FMN2: variants seen among roughly 807,000 people sequenced by gnomAD.
FMN2 encodes the protein formin-2.
FMN2 carries 51 observed loss-of-function variants against 142.3 expected under a neutral mutation model. That is an observed-to-expected ratio of 0.36 (90% CI 0.29 to 0.45). FMN2 has a LOEUF of 0.45. Ranked by LOEUF, FMN2 falls within the 20% of genes least tolerant of loss-of-function variation. The pLI, the probability that FMN2 is intolerant of heterozygous loss-of-function variation, is 1.00. For synonymous variants in FMN2, 882 were observed against 869.8 expected, an observed-to-expected ratio of 1.01 and a Z score of -0.25; for missense variants, 1,936 against 2,122.8, an observed-to-expected ratio of 0.91 and a Z score of 1.73.
At chr1:240,228,037 C>T (rs944274092) in intron 6 of FMN2, among the ~76,000 whole-genome samples, 1 of 152,000 alleles carries the variant, frequency 6.6e-6, no homozygotes, top group African/African-American at 2.4e-5. Context: ...AGCGCAGTGA[C>T]TCACACCTGT....
intron 1 of FMN2, among the ~76,000 whole-genome samples, chr1:240,108,405 G>A (rs766581258): frequency 5.3e-5 from 8 of 152,066 alleles, no homozygotes; most frequent in Non-Finnish European, 7.3e-5. Context: ...TATTTGGCAA[G>A]TATAAGCCGT....
At chr1:240,427,195 T>G (rs530297169) in intron 15 of FMN2, among the ~76,000 whole-genome samples, 3,030 of 123,120 alleles carry the variant, frequency 0.025, 138 homozygotes, top group African/African-American at 0.15. Context: ...ATATATATGG[T>G]TTTTTTTTTG....
chr1:240,287,449 A>C (rs1345851571), intron 7 of FMN2, among the ~76,000 whole-genome samples: 1 of 152,168 alleles, frequency 6.6e-6, no homozygotes, highest in South Asian at 2.1e-4. Flanking sequence ...ATGAACCGTA[A>C]ATATGGGCTG....
At position 240,093,607 on chromosome 1, in the gene FMN2, G is replaced by A; in HGVS notation, c.1498G>A (p.Ala500Thr). 7.0e-7 allele frequency: 1 copy of A among 1,430,826 alleles called. No homozygotes were observed. The highest frequency in any genetic ancestry group is 9.1e-7 in the Non-Finnish European group (1 of 1,102,648). The allele number at this position is 1,430,826 out of a possible 1,614,324, so 88.6% of individuals were successfully genotyped here. Residue 500 changes from alanine to threonine, a missense_variant, in exon 1 of 18, where the codon GCG becomes ACG. Physicochemically the swap from Ala to Thr is moderately conservative, Grantham distance 58. This residue lies in a region of FMN2 where 751 missense variants were observed against 791.8 expected (regional missense o/e 0.95). Transcript: ENST00000319653. ...GARTPRVGGS[A>T]HLLERGVASD... is the part of the protein sequence containing the mutation. ...CCGCACGCCCCGGGTGGGAGGCTCC[G>A]CGCACCTGCTGGAGCGCGGGGTGGC...
At chr1:240,278,611 T>G (rs562623148) in intron 7 of FMN2, among the ~76,000 whole-genome samples, 1 of 152,266 alleles carries the variant, frequency 6.6e-6, no homozygotes, top group African/African-American at 2.4e-5. Flanking sequence ...GGAAATTGCT[T>G]CTTCTTTAAC....
rs752989972 is a variant in FMN2, at chr1:240,093,657, C to G, written c.1548C>G (p.Ser516=). 7.2e-7 allele frequency: 1 copy of G among 1,382,072 alleles called. No individual in the cohort carries two copies. The highest frequency in any genetic ancestry group is 3.3e-5 in the Admixed American group (1 of 29,924). 85.6% of individuals were successfully genotyped at this position (1,382,072 alleles called of 1,614,324 possible). ...CGAGTGACAGCGGCGGTGGGGTGTC[C>G]CCAGCACTGGCCGCCAAGGCGTCTG... ...GVASDSGGGV[S]PALAAKASGA... The change falls in exon 1 of 18, where the codon TCC becomes TCG. Residue 516 remains serine, a synonymous_variant. Transcript: ENST00000319653.
At chr1:240,304,655 A>G (rs532639970) in intron 8 of FMN2, among the ~76,000 whole-genome samples, 34 of 152,364 alleles carry the variant, frequency 2.2e-4, no homozygotes, top group Admixed American at 2.2e-3. Flanking sequence ...ACAGAGGCTC[A>G]ACAATGGCCT....
At chr1:240,334,281 G>A (rs1671488191) in intron 13 of FMN2, 52 bp downstream of exon 13, 1 of 1,503,688 alleles carries the variant, frequency 6.7e-7, no homozygotes, top group Non-Finnish European at 8.9e-7. Flanking sequence ...TTTAATGAGA[G>A]AAGGCAGACT....
chr1:240,159,344 T>C (rs1021220923), intron 2 of FMN2, among the ~76,000 whole-genome samples: 2 of 152,148 alleles, frequency 1.3e-5, no homozygotes, highest in Non-Finnish European at 2.9e-5. Context: ...TTGAGAGATA[T>C]TCTCCATTTT....
intron 1 of FMN2, among the ~76,000 whole-genome samples, chr1:240,094,119 C>T (rs1661116619): frequency 6.6e-6 from 1 of 152,160 alleles, no homozygotes; most frequent in Non-Finnish European, 1.5e-5. Flanking sequence ...AAAAATTGTT[C>T]ATGGTTCTTT....
chr1:240,266,180 G>T (rs139357752), intron 7 of FMN2, among the ~76,000 whole-genome samples: 1 of 83,088 alleles, frequency 1.2e-5, no homozygotes, highest in Non-Finnish European at 2.5e-5. Flanking sequence ...TTCAATCTTT[G>T]TCCCTTTCTC....
rs1170723650 is a variant in FMN2 at position 240,334,132 on chromosome 1, C to T, written c.4668C>T (p.Leu1556=). 2 of 1,603,250 alleles carry T rather than the reference C, an allele frequency of 1.2e-6. No individual in the cohort carries two copies. The highest frequency in any genetic ancestry group is 1.1e-5 in the South Asian group (1 of 87,868). ...FDEDAGKEQC[L]FPLPEPQDLF... is the part of the protein sequence containing the mutation. ...AGGATGCTGGAAAAGAACAGTGCCT[C>T]TTTCCACTGCCAGAACCCCAGGACC... Residue 1556 remains leucine, a synonymous_variant, in exon 13 of 18, where the codon CTC becomes CTT. Transcript: ENST00000319653.
chr1:240,174,836 A>G (rs2103317718), intron 2 of FMN2, among the ~76,000 whole-genome samples: 1 of 152,376 alleles, frequency 6.6e-6, no homozygotes, highest in East Asian at 1.9e-4. Context: ...GTTGCAAAAT[A>G]CACAGAACAT....
intron 2 of FMN2, chr1:240,143,296 A>C: frequency 6.5e-7 from 1 of 1,531,816 alleles, no homozygotes; most frequent in Non-Finnish European, 9.0e-7. Context: ...TGAAACAGAG[A>C]TGAGGGCCAG....
chr1:240,358,574 A>T (rs1672353508), intron 14 of FMN2, among the ~76,000 whole-genome samples: 1 of 151,984 alleles, frequency 6.6e-6, no homozygotes, highest in Admixed American at 6.6e-5. Flanking sequence ...GGAAACTTAC[A>T]ATCATGGCAG....
intron 7 of FMN2, 50 bp downstream of exon 7, chr1:240,258,082 A>G (rs773682134): frequency 2.1e-6 from 3 of 1,432,630 alleles, no homozygotes; most frequent in South Asian, 1.2e-5. Flanking sequence ...ATTTGGGCTG[A>G]GGGATATGAT....
chr1:240,204,207 T>A (rs60583476), intron 4 of FMN2, among the ~76,000 whole-genome samples: 1 of 152,022 alleles, frequency 6.6e-6, no homozygotes, highest in Non-Finnish European at 1.5e-5. Flanking sequence ...ACTGGTTGTC[T>A]TCAGCTGTCA....
At chr1:240,423,392 A>G (rs901587188) in intron 15 of FMN2, among the ~76,000 whole-genome samples, 2 of 152,216 alleles carry the variant, frequency 1.3e-5, no homozygotes, top group Non-Finnish European at 1.5e-5. Flanking sequence ...ACAAAATCCA[A>G]CACTGCACAA....
At chr1:240,286,625 T>G (rs1669599883) in intron 7 of FMN2, among the ~76,000 whole-genome samples, 1 of 152,176 alleles carries the variant, frequency 6.6e-6, no homozygotes, top group African/African-American at 2.4e-5. Flanking sequence ...TGGGTTTACT[T>G]TTTTAAATAT....
Sources: allele counts gnomAD v4.1 joint callset (sites outside exome capture counted in the v4.1 genomes callset), GRCh38; gene constraint gnomAD v4.1.1; regional missense constraint gnomAD v4.1.1; transcripts MANE v1.5; gene names NCBI Gene and HGNC (gene_info 2026-07-23, HGNC 2026-07-21).